The following FHAD1 variants were observed in gnomAD, a reference collection of about 807,000 sequenced individuals.
FHAD1 encodes forkhead-associated domain-containing protein 1.
FHAD1 carries 146 observed loss-of-function variants against 191.3 expected under a neutral mutation model. The observed-to-expected ratio is 0.76, with a 90% CI of 0.67 to 0.88. FHAD1 has a LOEUF of 0.88. Ranked by LOEUF, FHAD1 falls within the 40% of genes least tolerant of loss-of-function variation. The pLI is 0.00. For synonymous variants in FHAD1, 616 were observed against 672.3 expected, an observed-to-expected ratio of 0.92 and a Z score of 1.29; for missense variants, 1,635 against 1,785.8, an observed-to-expected ratio of 0.92 and a Z score of 1.52.
intron 10 of FHAD1, among the ~76,000 whole-genome samples, chr1:15,322,198 G>A (rs35166363): frequency 2.0e-5 from 3 of 152,152 alleles, no homozygotes; most frequent in Admixed American, 2.0e-4. Flanking sequence ...AGTGTGGGCT[G>A]TGTACTACCT....
chr1:15,311,655 G>C lies in FHAD1; in HGVS notation c.1040-1402G>C, dbSNP rs931361275. 3.3e-5 allele frequency among the ~76,000 whole-genome samples: 5 copies of C among 152,136 alleles called. No homozygotes were observed. The highest frequency in any genetic ancestry group is 2.6e-4 in the Admixed American group (4 of 15,278). ...GTGCAATAAAGATTGATTCTTGATT[G>C]ATACCCACCAATAAAACTAGGATGA... On this transcript the variant is annotated intron_variant, in intron 7 of 33. Coordinates refer to ENST00000688493, the MANE Select transcript of FHAD1 (RefSeq NM_001391957.1). This position sits in a 1 kb window ranked among gnomAD's most constrained non-coding sequence, Gnocchi z 4.1.
intron 2 of FHAD1, among the ~76,000 whole-genome samples, chr1:15,262,021 G>GCA (rs143373188): frequency 2.9e-3 from 432 of 150,266 alleles, no homozygotes; most frequent in African/African-American, 6.1e-3. Context: ...TAGCACACAC[G>GCA]CACACACACA....
At chr1:15,392,427 G>A (rs1410346393) in intron 33 of FHAD1, among the ~76,000 whole-genome samples, 3 of 152,176 alleles carry the variant, frequency 2.0e-5, no homozygotes, top group African/African-American at 7.2e-5. Context: ...AGCTACTCGG[G>A]AGGCTGAGAC....
At chr1:15,402,496 G>A (rs1325914628), downstream of FHAD1, among the ~76,000 whole-genome samples, 3 of 152,188 alleles carry the variant, frequency 2.0e-5, no homozygotes, top group Admixed American at 1.3e-4. Context: ...GCTGCTGGGC[G>A]TTCTTTAAAG....
Position 15,328,257 on chromosome 1 carries a change from C to CTT in FHAD1, c.1558-16_1558-15dup. On this transcript the variant is annotated intron_variant, in intron 12 of 33. Coordinates refer to ENST00000688493, the MANE Select transcript of FHAD1 (RefSeq NM_001391957.1). ...ATGTTACATCTTTTTTTTTTTTTTC[C>CTT]TTTTTCTTTTTCTCACCAGTTAATA... is the stretch of plus-strand genomic sequence containing the variant. 5.1e-6 allele frequency: 6 copies of CTT among 1,169,124 alleles called. No homozygotes were observed. Among genetic ancestry groups the CTT allele is most frequent in the Admixed American group, 4.0e-5 (1 of 25,064 alleles). 72.4% of individuals were successfully genotyped at this position (1,169,124 alleles called of 1,614,324 possible). A position where few individuals can be genotyped will look rare whatever the true frequency, so the allele number is the denominator to read the frequency against.
intron 1 of FHAD1, among the ~76,000 whole-genome samples, chr1:15,250,610 A>G (rs1274895119): frequency 6.6e-6 from 1 of 152,216 alleles, no homozygotes; most frequent in East Asian, 1.9e-4. Context: ...CCCTAACTAA[A>G]TAAATGAAGA....
intron 4 of FHAD1, among the ~76,000 whole-genome samples, chr1:15,295,542 A>C (rs1666639368): frequency 6.6e-6 from 1 of 152,190 alleles, no homozygotes; most frequent in Non-Finnish European, 1.5e-5. Context: ...CAGGAGGTCA[A>C]GGCTGCAGTG....
intron 10 of FHAD1, among the ~76,000 whole-genome samples, chr1:15,320,703 T>A (rs1316972477): frequency 1.3e-5 from 2 of 152,236 alleles, no homozygotes; most frequent in Non-Finnish European, 2.9e-5. Context: ...TTTCATAGAC[T>A]ATCTTTTTCA....
chr1:15,345,374 C>G (rs2102345692), intron 17 of FHAD1, 42 bp from the exon 18 acceptor site: 1 of 1,527,524 alleles, frequency 6.5e-7, no homozygotes, highest in Non-Finnish European at 8.9e-7. Flanking sequence ...CCAGTTTCCT[C>G]CCATGGTAAC....
intron 1 of FHAD1, among the ~76,000 whole-genome samples, chr1:15,250,684 G>A (rs1646666529): frequency 6.6e-6 from 1 of 152,100 alleles, no homozygotes; most frequent in South Asian, 2.1e-4. Flanking sequence ...AACTCTTTAA[G>A]AAACTCCAAA....
At chr1:15,347,782 A>T (rs985148017) in intron 18 of FHAD1, among the ~76,000 whole-genome samples, 3 of 152,200 alleles carry the variant, frequency 2.0e-5, no homozygotes, top group African/African-American at 7.2e-5. Flanking sequence ...CCGCCACATC[A>T]TCAGGGTTTT....
rs1045069847 is a variant in FHAD1 at position 15,374,629 on chromosome 1, C to G, written c.3575C>G (p.Pro1192Arg). Residue 1192 changes from proline to arginine, a missense_variant and splice_region_variant, in exon 27 of 34, where the codon CCA (proline) becomes CGA (arginine). By Grantham distance (103) the Pro-to-Arg change is moderately radical. Coordinates refer to ENST00000688493, the MANE Select transcript of FHAD1 (RefSeq NM_001391957.1). Reference protein sequence around the residue: ...RIKELEKARSPDHKDHQNESF... With the variant: ...RIKELEKARSRDHKDHQNESF... ...AAAGAACTCGAGAAGGCGCGCTCAC[C>G]AGGTAAGTCTCCTCCTTCCTAGTCA... The G allele has an allele frequency of 6.4e-7, 1 of 1,551,182 alleles. No individual in the cohort carries two copies. Among genetic ancestry groups the G allele is most frequent in the Non-Finnish European group, 8.7e-7 (1 of 1,146,940 alleles).
chr1:15,293,456 A>G (rs1302927007), intron 4 of FHAD1, among the ~76,000 whole-genome samples: 1 of 152,188 alleles, frequency 6.6e-6, no homozygotes, highest in African/African-American at 2.4e-5. Flanking sequence ...GCGGTGGCTC[A>G]TGCCTGTAAT....
chr1:15,293,633 G>A lies in FHAD1; in HGVS notation c.569-3051G>A, dbSNP rs6690624. On this transcript the variant is annotated intron_variant, in intron 4 of 33. Transcript: ENST00000688493. Reference sequence around the variant, plus strand: ...CTCAGGAGGCTGAGGCAGGAGAATCGCTTGAACCCGGGAGGCAGAGGTTGC... The same window carrying A: ...CTCAGGAGGCTGAGGCAGGAGAATCACTTGAACCCGGGAGGCAGAGGTTGC... Among the ~76,000 whole-genome samples the A allele has an allele frequency of 4.2e-3, 638 of 152,144 alleles. 5 individuals carry two copies. Among genetic ancestry groups the A allele is most frequent in the African/African-American group, 0.014 (582 of 41,496 alleles).
intron 21 of FHAD1, 97 bp downstream of exon 21, chr1:15,358,380 C>T: frequency 8.1e-7 from 1 of 1,230,534 alleles, no homozygotes; most frequent in Non-Finnish European, 1.1e-6. Context: ...TTCTCAGCCT[C>T]AGCACTGCTG....
intron 3 of FHAD1, among the ~76,000 whole-genome samples, chr1:15,285,259 C>A (rs1662026518): frequency 1.3e-5 from 2 of 152,228 alleles, no homozygotes; most frequent in South Asian, 4.1e-4. Flanking sequence ...ATGCCGGGCG[C>A]TGTGGCTCAT....
chr1:15,328,172 G>C, intron 12 of FHAD1, 105 bp from the exon 13 acceptor site: 1 of 910,246 alleles, frequency 1.1e-6, no homozygotes, highest in Admixed American at 3.3e-5. Flanking sequence ...CTTAGACAGG[G>C]ACTTAAGTTG....
At chr1:15,382,266 T>A (rs1701094077) in intron 31 of FHAD1, 73 bp downstream of exon 31, 1 of 1,455,336 alleles carries the variant, frequency 6.9e-7, no homozygotes, top group Non-Finnish European at 9.3e-7. Context: ...CCGAGGGTGG[T>A]CCCTGGAGGA....
Position 15,360,231 on chromosome 1 carries a change from C to T in FHAD1, c.2737-247C>T, listed in dbSNP as rs924667281. On this transcript the variant is annotated intron_variant, in intron 21 of 33. Coordinates refer to ENST00000688493, the MANE Select transcript of FHAD1 (RefSeq NM_001391957.1). ...ACGCTGGAACAGAAAGTGTCTGGGG[C>T]TACTCCTGATAGGTAGTCAGGGAGG... is the stretch of plus-strand genomic sequence containing the variant. Among the ~76,000 whole-genome samples the T allele has an allele frequency of 2.0e-5, 3 of 152,210 alleles. No individual in the cohort carries two copies. In the South Asian group the frequency reaches 6.2e-4, roughly 31 times the overall value.
Sources: gnomAD v4.1 joint callset for allele counts (sites outside exome capture counted in the v4.1 genomes callset) on GRCh38, gnomAD v4.1.1 for gene constraint, Gnocchi (gnomAD v3.1) non-coding constraint, MANE v1.5 for transcripts, NCBI Gene and HGNC (gene_info 2026-07-23, HGNC 2026-07-21) for gene names.